PLD5: variants seen among roughly 807,000 people sequenced by gnomAD.
PLD5 encodes the protein phospholipase D family member 5, also known as inactive phospholipase D5.
Under a neutral mutation model 61.1 loss-of-function variants are expected in PLD5, and 36 were observed. The observed-to-expected ratio is 0.59, with a 90% confidence interval of 0.45 to 0.78. The LOEUF is 0.78. PLD5 is among the 30% of genes least tolerant of loss of function. PLD5 has a pLI of 0.00. For missense variants in PLD5, 515 were observed against 644.4 expected (o/e 0.80, Z 2.17); for synonymous variants, 243 against 242.8 (o/e 1.00, Z -0.01).
chr1:242,506,559 A>G (rs1281097193), intron 1 of PLD5, among the ~76,000 whole-genome samples: 2 of 152,182 alleles, frequency 1.3e-5, no homozygotes, highest in Middle Eastern at 3.2e-3. Flanking sequence ...TCAGGATGTA[A>G]CCCAGGCACT....
chr1:242,152,701 G>A (rs1665025164), intron 5 of PLD5, among the ~76,000 whole-genome samples: 1 of 151,980 alleles, frequency 6.6e-6, no homozygotes, highest in African/African-American at 2.4e-5. Context: ...TTTTTTTGTG[G>A]CTGCGTAGTA....
chr1:242,503,958 A>G (rs1251905427), intron 1 of PLD5, among the ~76,000 whole-genome samples: 1 of 152,188 alleles, frequency 6.6e-6, no homozygotes, highest in African/African-American at 2.4e-5. Context: ...TTGCTTTACT[A>G]TTTAAGACAT....
intron 9 of PLD5, among the ~76,000 whole-genome samples, chr1:242,091,209 C>T (rs1659797782): frequency 6.6e-6 from 1 of 152,164 alleles, no homozygotes; most frequent in Admixed American, 6.5e-5. Flanking sequence ...TCCTGTCTCT[C>T]AATAGAGTTA....
chr1:242,361,725 C>A (rs1661076177), intron 1 of PLD5, among the ~76,000 whole-genome samples: 1 of 152,158 alleles, frequency 6.6e-6, no homozygotes, highest in South Asian at 2.1e-4. Flanking sequence ...ATATCCTTAA[C>A]AAACATGTTT....
intron 1 of PLD5, among the ~76,000 whole-genome samples, chr1:242,409,157 T>C (rs1397884424): frequency 1.3e-5 from 2 of 152,174 alleles, no homozygotes; most frequent in Admixed American, 6.5e-5. Context: ...CCATGAGCTC[T>C]AGACCCAACT....
chr1:242,315,041 C>T (rs187673409), intron 2 of PLD5, among the ~76,000 whole-genome samples: 2 of 152,322 alleles, frequency 1.3e-5, no homozygotes. Context: ...CAGTTACTCA[C>T]TTGAGGATTT....
At chr1:242,335,023 C>A (rs1659419026) in intron 2 of PLD5, among the ~76,000 whole-genome samples, 1 of 152,092 alleles carries the variant, frequency 6.6e-6, no homozygotes, top group African/African-American at 2.4e-5. Flanking sequence ...AAATTAGTGT[C>A]CAAGTGTTTG....
rs540840567 is a variant in PLD5, at chr1:242,474,679, C to T, written c.189+49409G>A. 4.6e-5 allele frequency among the ~76,000 whole-genome samples: 7 copies of T among 152,290 alleles called. No homozygotes were observed. In the East Asian group the frequency reaches 1.4e-3, roughly 29 times the overall value. Reference sequence around the variant, plus strand: ...GCCTACATCCTGACCTGGCTCCTCCCTTTCTCTGCAGTATCATCACTTCTG... The same window carrying T: ...GCCTACATCCTGACCTGGCTCCTCCTTTTCTCTGCAGTATCATCACTTCTG... On this transcript the variant is annotated intron_variant, in intron 1 of 9. Transcript: ENST00000536534.
chr1:242,394,896 GAT>G (rs1283576629), intron 1 of PLD5, among the ~76,000 whole-genome samples: 2 of 103,392 alleles, frequency 1.9e-5, no homozygotes, highest in Admixed American at 1.2e-4. Flanking sequence ...GTATATATAT[GAT>G]TATATATGAA....
rs183331620 is a variant in PLD5, at chr1:242,328,181, G to A, written c.326+19925C>T. On this transcript the variant is annotated intron_variant, in intron 2 of 9. Transcript: ENST00000536534. ...AAGAAAACTATTAGGAGTGGGTGTT[G>A]GTTTTTGTACTAAGAACCATCCTTG... Among the ~76,000 whole-genome samples, 468 of 152,166 alleles carry A rather than the reference G, an allele frequency of 3.1e-3. 1 individual carries two copies. Among genetic ancestry groups the A allele is most frequent in the Non-Finnish European group, 5.5e-3 (372 of 68,012 alleles).
chr1:242,478,924 CAT>C (rs1360683544), intron 1 of PLD5, among the ~76,000 whole-genome samples: 1 of 152,142 alleles, frequency 6.6e-6, no homozygotes, highest in Non-Finnish European at 1.5e-5. Context: ...AAAATATTCA[CAT>C]GATAGAATAC....
At chr1:242,243,562 A>C (rs530197657) in intron 4 of PLD5, among the ~76,000 whole-genome samples, 22 of 152,300 alleles carry the variant, frequency 1.4e-4, no homozygotes, top group African/African-American at 4.6e-4. Context: ...TTTATTGAGC[A>C]CTGGTAGTTC....
intron 5 of PLD5, among the ~76,000 whole-genome samples, chr1:242,141,301 G>A (rs939808893): frequency 9.9e-5 from 15 of 152,054 alleles, no homozygotes; most frequent in Admixed American, 1.3e-4. Flanking sequence ...GCAACCACCC[G>A]CTGTAAAATG....
chr1:242,187,772 G>C (rs933932443), intron 5 of PLD5, among the ~76,000 whole-genome samples: 2 of 152,204 alleles, frequency 1.3e-5, no homozygotes, highest in Non-Finnish European at 2.9e-5. Context: ...GGCAGTATGA[G>C]AGGGGAAAGA....
chr1:242,226,863 G>C (rs947665612), intron 4 of PLD5, among the ~76,000 whole-genome samples: 1 of 152,038 alleles, frequency 6.6e-6, no homozygotes, highest in African/African-American at 2.4e-5. Context: ...ACTTTATTTT[G>C]TGCTTACGTA....
intron 5 of PLD5, among the ~76,000 whole-genome samples, chr1:242,159,175 T>C (rs201133257): frequency 2.2e-5 from 1 of 45,684 alleles, no homozygotes; most frequent in South Asian, 5.2e-4. Context: ...GAACGCAAAT[T>C]TTTTTATGCT....
At chr1:242,428,062 A>G (rs1256322137) in intron 1 of PLD5, among the ~76,000 whole-genome samples, 4 of 152,178 alleles carry the variant, frequency 2.6e-5, no homozygotes, top group Admixed American at 2.0e-4. Flanking sequence ...AAACTTCCAA[A>G]TACACTCCTG....
At chr1:242,141,363 AG>A (rs1160343924) in intron 5 of PLD5, among the ~76,000 whole-genome samples, 4 of 151,678 alleles carry the variant, frequency 2.6e-5, no homozygotes, top group Non-Finnish European at 5.9e-5. Flanking sequence ...ATCTTCTGTA[AG>A]GGGCATCCAA....
chr1:242,225,992 A>T (rs1320232982), intron 4 of PLD5, among the ~76,000 whole-genome samples: 1 of 152,174 alleles, frequency 6.6e-6, no homozygotes, highest in Non-Finnish European at 1.5e-5. Flanking sequence ...TTGCATTCCC[A>T]CCAGCAATAT....
Sources: allele counts gnomAD v4.1 joint callset (sites outside exome capture counted in the v4.1 genomes callset), GRCh38; gene constraint gnomAD v4.1.1; transcripts MANE v1.5; gene names NCBI Gene and HGNC (gene_info 2026-07-23, HGNC 2026-07-21).